COL19A1: variants seen among roughly 807,000 people sequenced by gnomAD.
COL19A1 encodes collagen alpha-1(XIX) chain.
Under a neutral mutation model 190.2 loss-of-function variants are expected in COL19A1, and 159 were observed. The ratio of observed to expected loss-of-function variants is 0.84; its 90% CI spans 0.73 to 0.95. The LOEUF is 0.95. Among genes scored for constraint, COL19A1 ranks in the 40% least tolerant of loss-of-function variants. COL19A1 has a pLI of 0.00. For missense variants in COL19A1, 1,418 were observed against 1,431.9 expected (o/e 0.99, Z 0.16); for synonymous variants, 509 against 458.9 (o/e 1.11, Z -1.39).
At chr6:70,004,261 C>T (rs1777471597) in intron 11 of COL19A1, among the ~76,000 whole-genome samples, 1 of 147,556 alleles carries the variant, frequency 6.8e-6, no homozygotes, top group African/African-American at 2.7e-5. Flanking sequence ...TGATGGGCTT[C>T]CCTGCATAGG....
chr6:70,020,088 A>C (rs1778335571), intron 11 of COL19A1, among the ~76,000 whole-genome samples: 1 of 152,104 alleles, frequency 6.6e-6, no homozygotes, highest in Non-Finnish European at 1.5e-5. Context: ...CTGATTATTT[A>C]ATACTAGTTA....
intron 11 of COL19A1, among the ~76,000 whole-genome samples, chr6:69,996,993 G>A (rs1354343826): frequency 2.2e-5 from 3 of 133,996 alleles, no homozygotes; most frequent in African/African-American, 9.7e-5. Flanking sequence ...GTGTACGTAT[G>A]TGTGTGTGTG....
At chr6:70,022,873 A>G (rs995545087) in intron 11 of COL19A1, among the ~76,000 whole-genome samples, 2 of 152,050 alleles carry the variant, frequency 1.3e-5, no homozygotes, top group African/African-American at 2.4e-5. Context: ...CTCTTTTTTT[A>G]CTACTATAAA....
In COL19A1 at chr6:70,207,130, T is replaced by C. The variant is rs1263540825; in HGVS notation, c.3302-17T>C. On this transcript the variant is annotated splice_polypyrimidine_tract_variant and intron_variant, in intron 50 of 50. Transcript: ENST00000620364. ...CCATATGTGATCTGCATTGTAATTTTTTTTTTATGTCGTTAGCTCTGGGTT... is the reference window on the plus strand; with the variant it reads ...CCATATGTGATCTGCATTGTAATTTCTTTTTTATGTCGTTAGCTCTGGGTT... 6.2e-7 allele frequency: 1 copy of C among 1,611,432 alleles called. No homozygotes were observed. The highest frequency in any genetic ancestry group is 1.1e-5 in the South Asian group (1 of 90,936).
At chr6:70,010,906 A>G (rs1246917704) in intron 11 of COL19A1, among the ~76,000 whole-genome samples, 1 of 91,136 alleles carries the variant, frequency 1.1e-5, no homozygotes, top group Non-Finnish European at 2.0e-5. Context: ...CTCTGGGGGC[A>G]GGGCACAGAC....
chr6:69,896,086 A>G (rs1358174442), intron 2 of COL19A1, among the ~76,000 whole-genome samples: 1 of 151,992 alleles, frequency 6.6e-6, no homozygotes, highest in African/African-American at 2.4e-5. Flanking sequence ...CTCATAAGCA[A>G]TGTAGAAGAG....
intron 15 of COL19A1, among the ~76,000 whole-genome samples, chr6:70,076,974 G>A (rs1781921116): frequency 6.6e-6 from 1 of 152,194 alleles, no homozygotes; most frequent in Non-Finnish European, 1.5e-5. Context: ...GAATATATGT[G>A]TGGATGGCTG....
In COL19A1 at chr6:70,137,680, G is replaced by A. The variant is rs533211362; in HGVS notation, c.1384-5G>A. On this transcript the variant is annotated splice_polypyrimidine_tract_variant and splice_region_variant and intron_variant, in intron 18 of 50. Coordinates refer to ENST00000620364, the MANE Select transcript of COL19A1 (RefSeq NM_001858.6). ...CAAAATCTCTCTTCTGCTTTGTCTT[G>A]AAAGGGTGAAACTGGACTACCAGGA... The A allele has an allele frequency of 1.2e-6, 2 of 1,613,090 alleles. No individual in the cohort carries two copies. The highest frequency in any genetic ancestry group is 1.1e-5 in the South Asian group (1 of 91,010).
At chr6:70,008,016 T>C (rs1477030511) in intron 11 of COL19A1, among the ~76,000 whole-genome samples, 7 of 151,862 alleles carry the variant, frequency 4.6e-5, no homozygotes, top group Admixed American at 1.3e-4. Context: ...TTGAAAACAT[T>C]TTGAGCTTAA....
intron 15 of COL19A1, among the ~76,000 whole-genome samples, chr6:70,075,461 C>CA (rs2150157697): frequency 6.6e-6 from 1 of 152,278 alleles, no homozygotes; most frequent in Admixed American, 6.5e-5. Context: ...TCATGTCAAA[C>CA]AAATGCCTTC....
At chr6:70,069,586 A>T (rs1781433389) in intron 15 of COL19A1, among the ~76,000 whole-genome samples, 1 of 152,160 alleles carries the variant, frequency 6.6e-6, no homozygotes, top group African/African-American at 2.4e-5. Flanking sequence ...AAAATGAGGC[A>T]AGTACGCCCC....
intron 2 of COL19A1, among the ~76,000 whole-genome samples, chr6:69,884,125 A>G (rs1768750705): frequency 6.6e-6 from 1 of 152,166 alleles, no homozygotes; most frequent in African/African-American, 2.4e-5. Flanking sequence ...GCCTGAGGTC[A>G]GGAGTTCAAG....
chr6:70,033,496 C>T (rs1779182038), intron 12 of COL19A1, among the ~76,000 whole-genome samples: 1 of 152,006 alleles, frequency 6.6e-6, no homozygotes, highest in Admixed American at 6.6e-5. Flanking sequence ...TAACTTTCTA[C>T]GTACACTGTG....
At chr6:70,144,847 A>G in intron 24 of COL19A1, 71 bp from the exon 25 acceptor site, 1 of 951,230 alleles carries the variant, frequency 1.1e-6, no homozygotes, top group Non-Finnish European at 1.6e-6. Flanking sequence ...AAAACAATGG[A>G]AACCACTACC....
Position 69,903,586 on chromosome 6 carries a change from G to A in COL19A1, c.266+3248G>A, listed in dbSNP as rs139972057. Among the ~76,000 whole-genome samples, 372 of 152,230 alleles carry A rather than the reference G, an allele frequency of 2.4e-3. 3 individuals carry two copies. The highest frequency in any genetic ancestry group is 7.6e-3 in the African/African-American group (315 of 41,522). On this transcript the variant is annotated intron_variant, in intron 4 of 50. Coordinates refer to ENST00000620364, the MANE Select transcript of COL19A1 (RefSeq NM_001858.6). ...GCACTTACTAACTGCTTCCCAGTCC[G>A]GGGGGTTGTTATCCATAAATGCACC...
chr6:70,057,375 A>T (rs1348749342), intron 14 of COL19A1, among the ~76,000 whole-genome samples: 1 of 152,116 alleles, frequency 6.6e-6, no homozygotes, highest in Non-Finnish European at 1.5e-5. Context: ...GTTACTGCCA[A>T]AATATAACAA....
chr6:69,925,585 A>G (rs1772318474), intron 4 of COL19A1, among the ~76,000 whole-genome samples: 2 of 152,092 alleles, frequency 1.3e-5, no homozygotes, highest in Non-Finnish European at 1.5e-5. Flanking sequence ...TTTTGGTTCC[A>G]TATGAACTTT....
chr6:70,031,523 A>AT (rs1265165835), intron 12 of COL19A1, among the ~76,000 whole-genome samples: 1 of 151,304 alleles, frequency 6.6e-6, no homozygotes, highest in South Asian at 2.1e-4. Context: ...ATGTGTTCAA[A>AT]TTTTTTTTGC....
At chr6:70,181,656 AACACACAC>A (rs56362588) in intron 44 of COL19A1, among the ~76,000 whole-genome samples, 1 of 147,818 alleles carries the variant, frequency 6.8e-6, no homozygotes. Context: ...AGATAAAAAC[AACACACAC>A]ACACACACAC....
Sources: gnomAD v4.1 joint callset for allele counts (sites outside exome capture counted in the v4.1 genomes callset) on GRCh38, gnomAD v4.1.1 for gene constraint, MANE v1.5 for transcripts, NCBI Gene and HGNC (gene_info 2026-07-23, HGNC 2026-07-21) for gene names.